Variants in CDK19 observed in about 807,000 individuals in gnomAD.
The protein encoded by CDK19 is cyclin dependent kinase 19.
CDK19 carries 20 observed loss-of-function variants against 68.3 expected under a neutral mutation model. The observed-to-expected ratio is 0.29, with a 90% confidence interval of 0.21 to 0.43. The LOEUF (loss-of-function observed/expected upper bound fraction) is 0.43. Among genes scored for constraint, CDK19 ranks in the 20% least tolerant of loss-of-function variants. The probability of loss-of-function intolerance (pLI) is 1.00; values close to 1 mark genes in which losing one functional copy is unlikely to be tolerated. For synonymous variants in CDK19, 221 were observed against 222.8 expected (o/e 0.99, Z 0.07); for missense variants, 339 against 623.5 (o/e 0.54, Z 4.86).
At chr6:110,702,691 T>C (rs1353674335) in intron 2 of CDK19, among the ~76,000 whole-genome samples, 2 of 152,060 alleles carry the variant, frequency 1.3e-5, no homozygotes, top group African/African-American at 4.8e-5. Context: ...ATCTGTATTG[T>C]CGATATGGAA....
chr6:110,621,150 G>A lies in CDK19; in HGVS notation c.1331C>T (p.Pro444Leu), dbSNP rs1354410644. 3 of 1,614,154 alleles carry A rather than the reference G, an allele frequency of 1.9e-6. No individual in the cohort carries two copies. Among genetic ancestry groups the A allele is most frequent in the East Asian group, 4.5e-5 (2 of 44,874 alleles). The change falls in exon 12 of 13, where the codon CCT becomes CTT. Residue 444 changes from proline (P) to leucine (L), a missense_variant. By Grantham distance (98) the Pro-to-Leu change is moderately conservative. Coordinates refer to ENST00000368911, the MANE Select transcript of CDK19 (RefSeq NM_015076.5). This position sits in a 1 kb window ranked among gnomAD's most constrained non-coding sequence, Gnocchi z 5.4. ...VPPNKKPRLG[P>L]SGANSGGPVM... is the part of the protein sequence containing the mutation. ...AGGTCCACCTGAGTTTGCGCCTGAAGGCCCTAGCCGTGGCTTCTTGTTTGG... is the reference window on the plus strand; with the variant it reads ...AGGTCCACCTGAGTTTGCGCCTGAAAGCCCTAGCCGTGGCTTCTTGTTTGG...
intron 2 of CDK19, among the ~76,000 whole-genome samples, chr6:110,688,025 T>C (rs986840327): frequency 1.3e-5 from 2 of 152,150 alleles, no homozygotes; most frequent in African/African-American, 4.8e-5. Flanking sequence ...CCAGTGTAAG[T>C]TCTGGTCACA....
intron 5 of CDK19, among the ~76,000 whole-genome samples, chr6:110,637,383 C>T (rs1395959010): frequency 6.6e-6 from 1 of 152,170 alleles, no homozygotes; most frequent in Non-Finnish European, 1.5e-5. Context: ...TTAACATCAA[C>T]AAACTTCTGA....
chr6:110,617,381 A>G (rs1240345366), intron 12 of CDK19, among the ~76,000 whole-genome samples: 2 of 152,174 alleles, frequency 1.3e-5, no homozygotes, highest in African/African-American at 4.8e-5. Flanking sequence ...GAACCTAGAC[A>G]GGCCATGTTG....
At chr6:110,672,236 T>G (rs1222578769) in intron 2 of CDK19, among the ~76,000 whole-genome samples, 10 of 152,202 alleles carry the variant, frequency 6.6e-5, no homozygotes, top group Non-Finnish European at 1.3e-4. Flanking sequence ...TTATTACCTA[T>G]GCAAAATATG....
rs1018654182 is a variant in CDK19 at position 110,814,625 on chromosome 6, C to T, written c.128+384G>A. ...GAAGTTCCACAACGACCGTCACTAC[C>T]CAGGGCCGGAGCGGCAACTCCGCAG... On this transcript the variant is annotated intron_variant, in intron 1 of 12. Transcript: ENST00000368911. The T allele has an allele frequency of 2.1e-5, 10 of 475,118 alleles. 1 individual carries two copies. The highest frequency in any genetic ancestry group is 4.6e-5 in the South Asian group (3 of 64,762). The allele number at this position is 475,118 out of a possible 1,614,324, so 29.4% of individuals were successfully genotyped here. A position where few individuals can be genotyped will look rare whatever the true frequency, so the allele number is the denominator to read the frequency against.
chr6:110,811,601 C>G (rs1783106423), intron 1 of CDK19, among the ~76,000 whole-genome samples: 1 of 152,114 alleles, frequency 6.6e-6, no homozygotes, highest in South Asian at 2.1e-4. Context: ...TTAAATGTTT[C>G]TAACTGGAAA....
intron 1 of CDK19, among the ~76,000 whole-genome samples, chr6:110,771,881 A>G (rs1255889483): frequency 6.6e-6 from 1 of 152,214 alleles, no homozygotes; most frequent in Non-Finnish European, 1.5e-5. Flanking sequence ...AAACATAACA[A>G]GAGTCACCTT....
intron 1 of CDK19, among the ~76,000 whole-genome samples, chr6:110,749,375 A>G (rs1410981848): frequency 6.6e-6 from 1 of 150,740 alleles, no homozygotes; most frequent in Non-Finnish European, 1.5e-5. Flanking sequence ...CTGAGACACT[A>G]TGTTCCTTTT....
intron 2 of CDK19, among the ~76,000 whole-genome samples, chr6:110,734,520 G>GCTATCTCTCTCTCTCTCT (rs1554214774): frequency 1.2e-5 from 1 of 85,732 alleles, no homozygotes; most frequent in Non-Finnish European, 2.3e-5. Flanking sequence ...GGTGAGCACT[G>GCTATCTCTCTCTCTCTCT]CTCTCTCTCT....
intron 1 of CDK19, among the ~76,000 whole-genome samples, chr6:110,812,414 AC>A (rs1199126425): frequency 2.6e-5 from 4 of 152,100 alleles, no homozygotes; most frequent in African/African-American, 9.7e-5. Flanking sequence ...GAGCCACCGC[AC>A]CCGACCCAGA....
chr6:110,713,945 A>G (rs1220695096), intron 2 of CDK19, among the ~76,000 whole-genome samples: 2 of 152,228 alleles, frequency 1.3e-5, no homozygotes, highest in Non-Finnish European at 2.9e-5. Flanking sequence ...AAAATTTCAC[A>G]TAACATAAAC....
rs1778138366 is a variant in CDK19, at chr6:110,613,646, A to G, written c.*889T>C. On this transcript the variant is annotated 3_prime_UTR_variant, in exon 13 of 13. Coordinates refer to ENST00000368911, the MANE Select transcript of CDK19 (RefSeq NM_015076.5). ...TCAAAGGGAAGTAACACGTCTTTTGATCAAAATTACTCCTTACAGAAATCC... is the reference window on the plus strand; with the variant it reads ...TCAAAGGGAAGTAACACGTCTTTTGGTCAAAATTACTCCTTACAGAAATCC... The G allele has an allele frequency of 6.6e-6, 1 of 152,644 alleles. No homozygotes were observed. Among genetic ancestry groups the G allele is most frequent in the South Asian group, 2.1e-4 (1 of 4,834 alleles). The allele number at this position is 152,644 out of a possible 1,614,324, so 9.5% of individuals were successfully genotyped here.
chr6:110,755,336 A>G (rs1778763968), intron 1 of CDK19, among the ~76,000 whole-genome samples: 1 of 152,138 alleles, frequency 6.6e-6, no homozygotes, highest in East Asian at 1.9e-4. Flanking sequence ...CACCATGCCT[A>G]GCCCCTTGTG....
At chr6:110,641,830 G>A (rs1022252540) in intron 4 of CDK19, among the ~76,000 whole-genome samples, 1 of 152,044 alleles carries the variant, frequency 6.6e-6, no homozygotes, top group Non-Finnish European at 1.5e-5. Context: ...ACTAAGATTT[G>A]GATAAGCATA....
At chr6:110,691,545 C>G (rs909224133) in intron 2 of CDK19, among the ~76,000 whole-genome samples, 10 of 152,020 alleles carry the variant, frequency 6.6e-5, no homozygotes, top group Admixed American at 1.3e-4. Context: ...TTTGGGAGGT[C>G]AAGGCAGGCT....
In CDK19 at chr6:110,649,285, G is replaced by T. The variant is rs113153097; in HGVS notation, c.457-10579C>A. On this transcript the variant is annotated intron_variant, in intron 4 of 12. Transcript: ENST00000368911. ...AGAAAGGAGGATCTGTTCAATAAAT[G>T]GTGTTGGTACAACAAGTTATCTAAA... is the stretch of plus-strand genomic sequence containing the variant. 5.2e-3 allele frequency among the ~76,000 whole-genome samples: 786 copies of T among 152,092 alleles called. 5 individuals carry two copies. The highest frequency in any genetic ancestry group is 0.018 in the African/African-American group (764 of 41,508).
intron 1 of CDK19, among the ~76,000 whole-genome samples, chr6:110,808,057 A>ATC (rs1782805272): frequency 1.3e-5 from 2 of 152,194 alleles, no homozygotes; most frequent in Non-Finnish European, 2.9e-5. Flanking sequence ...TAACTTGAAA[A>ATC]AAGACATAAC....
intron 1 of CDK19, among the ~76,000 whole-genome samples, chr6:110,789,041 T>G (rs1037357594): frequency 6.6e-6 from 1 of 152,196 alleles, no homozygotes; most frequent in East Asian, 1.9e-4. Flanking sequence ...AAATTGCTTA[T>G]GTGGAGATGA....
Sources: gnomAD v4.1 joint callset for allele counts (sites outside exome capture counted in the v4.1 genomes callset) on GRCh38, gnomAD v4.1.1 for gene constraint, Gnocchi (gnomAD v3.1) non-coding constraint, MANE v1.5 for transcripts, NCBI Gene and HGNC (gene_info 2026-07-23, HGNC 2026-07-21) for gene names.